The following GLB1L3 variants were observed in gnomAD, a reference collection of about 807,000 sequenced individuals.
The protein encoded by GLB1L3 is beta-galactosidase-1-like protein 3.
GLB1L3 carries 89 observed loss-of-function variants against 89.5 expected under a neutral mutation model. The observed-to-expected ratio is 0.99, with a 90% CI of 0.84 to 1.19. The LOEUF (loss-of-function observed/expected upper bound fraction) is 1.19. GLB1L3 is among the 50% of genes most tolerant of loss of function. The probability of loss-of-function intolerance (pLI) is 0.00; values close to 1 mark genes in which losing one functional copy is unlikely to be tolerated. For synonymous variants in GLB1L3, 314 were observed against 312.3 expected, an observed-to-expected ratio of 1.01 and a Z score of -0.06; for missense variants, 812 against 813.3, an observed-to-expected ratio of 1.00 and a Z score of 0.02.
intron 9 of GLB1L3, among the ~76,000 whole-genome samples, chr11:134,302,776 G>T (rs495623): frequency 6.6e-6 from 1 of 152,068 alleles, no homozygotes; most frequent in Non-Finnish European, 1.5e-5. Flanking sequence ...TAAATGCCCT[G>T]TGTGTTTGTA....
intron 5 of GLB1L3, 124 bp from the exon 6 acceptor site, chr11:134,283,613 G>A (rs1940820961): frequency 5.0e-6 from 3 of 601,380 alleles, no homozygotes; most frequent in Non-Finnish European, 8.9e-6. Flanking sequence ...GGACCCGAGT[G>A]CTCCGGGACC....
intron 15 of GLB1L3, 136 bp downstream of exon 15, chr11:134,313,023 G>A: frequency 1.4e-6 from 1 of 711,896 alleles, no homozygotes; most frequent in Non-Finnish European, 2.5e-6. Flanking sequence ...GGCAGGAAGT[G>A]TGCAGGGCTG....
intron 8 of GLB1L3, 159 bp downstream of exon 8, chr11:134,292,372 C>T (rs1302209975): frequency 3.4e-6 from 2 of 591,408 alleles, no homozygotes; most frequent in East Asian, 2.8e-5. Flanking sequence ...AATGAGGACT[C>T]AAGGTTAAGG....
At chr11:134,299,484 C>T (rs1436419946) in intron 9 of GLB1L3, among the ~76,000 whole-genome samples, 2 of 152,054 alleles carry the variant, frequency 1.3e-5, no homozygotes, top group African/African-American at 4.8e-5. Context: ...TGGAGTTAGG[C>T]TGGTTGTGGG....
At chr11:134,296,831 T>TA (rs1274488276) in intron 9 of GLB1L3, among the ~76,000 whole-genome samples, 4 of 56,100 alleles carry the variant, frequency 7.1e-5, no homozygotes, top group Non-Finnish European at 1.7e-4. Context: ...CCCTAAAACT[T>TA]AAAGTATAAT....
rs768978439 is a variant in GLB1L3, at chr11:134,283,771, A to G, written c.562A>G (p.Thr188Ala). ...LLQDPRLLLRTTNKSFIEAVE... is the reference protein window; with the variant it reads ...LLQDPRLLLRATNKSFIEAVE... The stretch of plus-strand genomic sequence containing the variant: ...GCAAGACCCCCGGTTACTGTTGAGG[A>G]CAACCAACAAGAGCTTCATTGAAGC... Residue 188 changes from threonine (T) to alanine (A), a missense_variant, in exon 6 of 20, where the codon ACA (threonine) becomes GCA (alanine). Around this residue, in one of 3 missense-constraint regions of GLB1L3, gnomAD observed 618 missense variants for 604.0 expected, o/e 1.02. Transcript: ENST00000431683. 8 of 1,612,844 alleles carry G rather than the reference A, an allele frequency of 5.0e-6. No homozygotes were observed. In the East Asian group the frequency reaches 1.1e-4, roughly 22 times the overall value.
At position 134,312,859 on chromosome 11, in the gene GLB1L3, A is replaced by C; in HGVS notation, c.1472A>C (p.Asn491Thr). 6.2e-7 allele frequency: 1 copy of C among 1,611,710 alleles called. No homozygotes were observed. Among genetic ancestry groups the C allele is most frequent in the South Asian group, 1.1e-5 (1 of 90,518 alleles). ...ETMIGILNEN[N>T]KDLHIPELRD... ...ATGATAGGGATTCTGAATGAGAATA[A>C]TAAGGACCTGCACATTCCTGAACTC... Residue 491 changes from asparagine (N) to threonine (T), a missense_variant, in exon 15 of 20, where the codon AAT becomes ACT. By Grantham distance (65) the Asn-to-Thr change is moderately conservative. Around this residue, in one of 3 missense-constraint regions of GLB1L3, gnomAD observed 618 missense variants for 604.0 expected, o/e 1.02. Coordinates refer to ENST00000431683, the MANE Select transcript of GLB1L3 (RefSeq NM_001080407.3).
chr11:134,290,973 ACT>A (rs1163027261), intron 7 of GLB1L3, among the ~76,000 whole-genome samples: 3 of 151,852 alleles, frequency 2.0e-5, no homozygotes, highest in Non-Finnish European at 4.4e-5. Context: ...CAGAACCCAC[ACT>A]CGACCGATTT....
At chr11:134,310,831 G>T in intron 12 of GLB1L3, 180 bp downstream of exon 12, 1 of 623,118 alleles carries the variant, frequency 1.6e-6, no homozygotes, top group Non-Finnish European at 2.8e-6. Context: ...TTAAAATCAG[G>T]GTTTCTAAGC....
chr11:134,295,259 G>T (rs1270995249), intron 9 of GLB1L3, among the ~76,000 whole-genome samples: 1 of 152,160 alleles, frequency 6.6e-6, no homozygotes, highest in African/African-American at 2.4e-5. Context: ...CTTTTTAGAA[G>T]AATTTTAACT....
At chr11:134,311,227 T>G in intron 13 of GLB1L3, 57 bp downstream of exon 13, 2 of 1,256,152 alleles carry the variant, frequency 1.6e-6, no homozygotes, top group East Asian at 4.6e-5. Flanking sequence ...GGGGGAGGGA[T>G]TCCTTCAGGA....
intron 9 of GLB1L3, among the ~76,000 whole-genome samples, chr11:134,302,836 T>C (rs1942016328): frequency 6.6e-6 from 1 of 152,212 alleles, no homozygotes; most frequent in Admixed American, 6.5e-5. Flanking sequence ...AAGTTCTATG[T>C]CAATTTTATT....
At chr11:134,308,556 T>TCACCAC (rs199930926) in intron 10 of GLB1L3, among the ~76,000 whole-genome samples, 5 of 57,512 alleles carry the variant, frequency 8.7e-5, no homozygotes, top group Non-Finnish European at 1.2e-4. Context: ...ACCATCACCA[T>TCACCAC]CACCACCACC....
At chr11:134,279,454 C>T (rs1042808110) in intron 3 of GLB1L3, among the ~76,000 whole-genome samples, 1 of 150,474 alleles carries the variant, frequency 6.6e-6, no homozygotes, top group Non-Finnish European at 1.5e-5. Flanking sequence ...GCAACCTCCC[C>T]CTCCTGGGTT....
chr11:134,280,538 T>C (rs1233554181), intron 3 of GLB1L3, among the ~76,000 whole-genome samples: 1 of 152,204 alleles, frequency 6.6e-6, no homozygotes, highest in Non-Finnish European at 1.5e-5. Flanking sequence ...TCTTTGTTTC[T>C]TAGAGGGGTA....
At position 134,313,637 on chromosome 11, in the gene GLB1L3, C is replaced by T. The variant is rs1403950734; in HGVS notation, c.1579+163C>T. ...AATCGGCCCCTCGCCCTTGTCTTGC[C>T]TTCTCTGATCTCCAGGGCCAGAGGG... On this transcript the variant is annotated intron_variant, in intron 16 of 19. Transcript: ENST00000431683. Among the ~76,000 whole-genome samples the T allele has an allele frequency of 2.6e-5, 4 of 152,224 alleles. No individual in the cohort carries two copies. In the East Asian group the frequency reaches 7.7e-4, roughly 29 times the overall value.
chr11:134,282,243 C>T, intron 5 of GLB1L3, 123 bp downstream of exon 5: 5 of 1,185,738 alleles, frequency 4.2e-6, no homozygotes, highest in African/African-American at 1.6e-5. Context: ...AGGTGTGCTG[C>T]CCCACGCCAC....
intron 9 of GLB1L3, among the ~76,000 whole-genome samples, chr11:134,300,434 A>G (rs966714658): frequency 2.7e-5 from 4 of 149,920 alleles, no homozygotes; most frequent in African/African-American, 4.9e-5. Context: ...CTGGGTTCAC[A>G]CCATTCTCCT....
intron 18 of GLB1L3, among the ~76,000 whole-genome samples, chr11:134,316,222 C>T (rs1299437178): frequency 2.0e-5 from 3 of 149,888 alleles, no homozygotes; most frequent in Middle Eastern, 3.4e-3. Context: ...TTTTTTTACA[C>T]GTAGAATAAG....
Sources: allele counts gnomAD v4.1 joint callset (sites outside exome capture counted in the v4.1 genomes callset), GRCh38; gene constraint gnomAD v4.1.1; regional missense constraint gnomAD v4.1.1; transcripts MANE v1.5; gene names NCBI Gene and HGNC (gene_info 2026-07-23, HGNC 2026-07-21).